ARHGAP32: variants seen among roughly 807,000 people sequenced by gnomAD.
ARHGAP32 encodes rho GTPase-activating protein 32.
In ARHGAP32, 51 loss-of-function variants were observed where a neutral mutation model predicts 186.5. The ratio of observed to expected loss-of-function variants is 0.27; its 90% CI spans 0.22 to 0.35. ARHGAP32 has a LOEUF of 0.35. ARHGAP32 is among the 10% of genes least tolerant of loss of function. The probability of loss-of-function intolerance (pLI) is 1.00; values close to 1 mark genes in which losing one functional copy is unlikely to be tolerated. For missense variants in ARHGAP32, 2,186 were observed against 2,623.5 expected (o/e 0.83, Z 3.64); for synonymous variants, 950 against 964.3 (o/e 0.99, Z 0.27).
intron 10 of ARHGAP32, among the ~76,000 whole-genome samples, chr11:129,058,232 C>CTATATA (rs1311897092): frequency 1.5e-5 from 2 of 136,982 alleles, no homozygotes; most frequent in Non-Finnish European, 3.3e-5. Flanking sequence ...CTCTCTCTCT[C>CTATATA]TCTCTCTATA....
At chr11:129,082,882 A>AAACAACAAC (rs749344692) in intron 6 of ARHGAP32, among the ~76,000 whole-genome samples, 11 of 151,580 alleles carry the variant, frequency 7.3e-5, no homozygotes, top group Non-Finnish European at 1.3e-4. Context: ...CAGCAAGACA[A>AAACAACAAC]AACAACAACA....
At chr11:129,087,731 T>C (rs1409817984) in intron 6 of ARHGAP32, among the ~76,000 whole-genome samples, 2 of 152,146 alleles carry the variant, frequency 1.3e-5, no homozygotes, top group Admixed American at 6.5e-5. Context: ...ATGTAAACTA[T>C]AAAGTTGGGC....
intron 10 of ARHGAP32, among the ~76,000 whole-genome samples, chr11:129,048,968 C>T (rs924955640): frequency 6.6e-6 from 1 of 151,282 alleles, no homozygotes; most frequent in Non-Finnish European, 1.5e-5. Context: ...CATCCAGTTT[C>T]TAAAACAGAG....
chr11:129,058,238 C>CTATA (rs34506002), intron 10 of ARHGAP32, among the ~76,000 whole-genome samples: 5,435 of 138,876 alleles, frequency 0.039, 134 homozygotes, highest in Middle Eastern at 0.059. Flanking sequence ...CTCTCTCTCT[C>CTATA]TATATATATA....
Position 129,066,741 on chromosome 11 carries a change from T to C in ARHGAP32, c.659A>G (p.Asp220Gly). ...SELPRSDTLK[D>G]SPESVTQMLM... ...GTACTAAATGCTTACCTCTGGACTG[T>C]CCTTCAGGGTGTCAGAACGGGGAAG... The change falls in exon 7 of 23, where the codon GAC becomes GGC. Residue 220 changes from aspartate (D) to glycine (G), a missense_variant. By Grantham distance (94) the Asp-to-Gly change is moderately conservative. Coordinates refer to ENST00000682385, the MANE Select transcript of ARHGAP32 (RefSeq NM_001378024.1). The C allele has an allele frequency of 2.5e-6, 4 of 1,612,358 alleles. No homozygotes were observed. The highest frequency in any genetic ancestry group is 2.5e-6 in the Non-Finnish European group (3 of 1,178,836).
intron 6 of ARHGAP32, among the ~76,000 whole-genome samples, chr11:129,087,424 A>G (rs1267062203): frequency 3.3e-5 from 5 of 152,216 alleles, no homozygotes; most frequent in African/African-American, 1.2e-4. Context: ...AGTGAAATGA[A>G]CTCTCAAGCC....
intron 1 of ARHGAP32, among the ~76,000 whole-genome samples, chr11:129,221,903 T>C (rs576308836): frequency 6.6e-6 from 1 of 152,106 alleles, no homozygotes; most frequent in Non-Finnish European, 1.5e-5. Context: ...CCACAGTATG[T>C]TACTTGTGGA....
intron 1 of ARHGAP32, among the ~76,000 whole-genome samples, chr11:129,190,744 A>C (rs1303695882): frequency 1.3e-5 from 2 of 152,208 alleles, no homozygotes; most frequent in African/African-American, 4.8e-5. Context: ...CAGGTCAAAA[A>C]GTTTTATTAC....
At chr11:129,268,770 C>A (rs1007143730) in intron 1 of ARHGAP32, among the ~76,000 whole-genome samples, 1 of 150,446 alleles carries the variant, frequency 6.6e-6, no homozygotes, top group Admixed American at 6.6e-5. Flanking sequence ...GGATTTTTCA[C>A]CCTCCAGCAA....
intron 11 of ARHGAP32, among the ~76,000 whole-genome samples, chr11:129,019,896 A>T (rs1162675684): frequency 1.3e-5 from 2 of 152,234 alleles, no homozygotes; most frequent in South Asian, 2.1e-4. Flanking sequence ...CCAGACCAAG[A>T]ATGTGGAGAG....
At chr11:129,089,325 AAC>A (rs2135255955) in intron 6 of ARHGAP32, among the ~76,000 whole-genome samples, 1 of 152,346 alleles carries the variant, frequency 6.6e-6, no homozygotes, top group Admixed American at 6.5e-5. Flanking sequence ...AAAGTAAACA[AAC>A]ACATAAATAA....
At chr11:129,166,419 C>T (rs1405608600) in intron 1 of ARHGAP32, among the ~76,000 whole-genome samples, 1 of 151,526 alleles carries the variant, frequency 6.6e-6, no homozygotes, top group Non-Finnish European at 1.5e-5. Context: ...TTCTATAAAC[C>T]TCAAGCAGAA....
chr11:129,163,622 T>C (rs1335801763), intron 2 of ARHGAP32, among the ~76,000 whole-genome samples: 2 of 152,150 alleles, frequency 1.3e-5, no homozygotes, highest in African/African-American at 2.4e-5. Context: ...CCATATGTGC[T>C]ATCATCCTGG....
intron 2 of ARHGAP32, among the ~76,000 whole-genome samples, chr11:129,159,016 A>G (rs1943472864): frequency 6.6e-6 from 1 of 152,254 alleles, no homozygotes; most frequent in African/African-American, 2.4e-5. Context: ...CAATGAGAAC[A>G]AAGACACAAC....
At chr11:129,274,593 T>G (rs1006516674) in intron 1 of ARHGAP32, among the ~76,000 whole-genome samples, 1 of 152,208 alleles carries the variant, frequency 6.6e-6, no homozygotes, top group African/African-American at 2.4e-5. Flanking sequence ...AACAATGGCC[T>G]TTTTTATTTG....
At chr11:129,134,810 G>A (rs1162725726) in intron 2 of ARHGAP32, among the ~76,000 whole-genome samples, 1 of 152,130 alleles carries the variant, frequency 6.6e-6, no homozygotes, top group East Asian at 1.9e-4. Context: ...ATGAGCTGTG[G>A]GAGCCTGTTT....
At chr11:129,066,075 A>T (rs2135155136) in intron 7 of ARHGAP32, among the ~76,000 whole-genome samples, 1 of 152,260 alleles carries the variant, frequency 6.6e-6, no homozygotes, top group South Asian at 2.1e-4. Flanking sequence ...TTTCTCTCAG[A>T]GGATAGTAAT....
At chr11:129,124,941 C>A in intron 2 of ARHGAP32, 47 bp from the exon 3 acceptor site, 1 of 1,432,476 alleles carries the variant, frequency 7.0e-7, no homozygotes, top group Non-Finnish European at 9.6e-7. Flanking sequence ...TTTAGTATTA[C>A]ACTTTTTTAA....
At chr11:129,143,052 T>C (rs1943091448) in intron 2 of ARHGAP32, among the ~76,000 whole-genome samples, 2 of 113,216 alleles carry the variant, frequency 1.8e-5, no homozygotes, top group Admixed American at 8.7e-5. Flanking sequence ...ATAGCAGCTG[T>C]CTATATGCTG....
Sources: gnomAD v4.1 joint callset for allele counts (sites outside exome capture counted in the v4.1 genomes callset) on GRCh38, gnomAD v4.1.1 for gene constraint, MANE v1.5 for transcripts, NCBI Gene and HGNC (gene_info 2026-07-23, HGNC 2026-07-21) for gene names.